The following TOP3A variants were observed in gnomAD, a reference collection of about 807,000 sequenced individuals.
The protein encoded by TOP3A is DNA topoisomerase 3-alpha.
A neutral mutation model predicts 111.3 loss-of-function variants in TOP3A; 64 were observed. That is an observed-to-expected ratio of 0.57 (90% confidence interval 0.47 to 0.71). TOP3A has a LOEUF of 0.71. Ranked by LOEUF, TOP3A falls within the 30% of genes least tolerant of loss-of-function variation. TOP3A has a pLI of 0.00. For synonymous variants in TOP3A, 484 were observed against 485.1 expected (o/e 1.00, Z 0.03); for missense variants, 1,104 against 1,285.0 (o/e 0.86, Z 2.15).
At chr17:18,300,659 G>C (rs971143407) in intron 8 of TOP3A, among the ~76,000 whole-genome samples, 8 of 151,918 alleles carry the variant, frequency 5.3e-5, no homozygotes, top group African/African-American at 1.7e-4. Context: ...GGGCTCAAGC[G>C]ATTCTCCCAC....
chr17:18,299,633 C>T lies in TOP3A; in HGVS notation c.916G>A (p.Asp306Asn), dbSNP rs1178443498. 3 of 1,613,834 alleles carry T rather than the reference C, an allele frequency of 1.9e-6. No homozygotes were observed. The highest frequency in any genetic ancestry group is 2.5e-6 in the Non-Finnish European group (3 of 1,179,876). ...ACCTCTACCACAGTTGCCATGGGAT[C>T]CTAGAAAGCCAGGAAAGAAAAGACC... Reference protein sequence around the residue: ...CLVLYQLCVEDPMATVVEVRS... With the variant: ...CLVLYQLCVENPMATVVEVRS... The change falls in exon 9 of 19, where the codon GAT becomes AAT. Residue 306 changes from aspartate (D) to asparagine (N), a missense_variant and splice_region_variant. Transcript: ENST00000321105.
At chr17:18,312,884 AGGCGGGT>A (rs1408032559) in intron 1 of TOP3A, 5 of 154,070 alleles carry the variant, frequency 3.2e-5, no homozygotes, top group African/African-American at 1.2e-4. Context: ...TGGGAGGCTA[AGGCGGGT>A]GGCTCACCTG....
At chr17:18,308,840 T>C (rs774856776) in intron 2 of TOP3A, 42 bp downstream of exon 2, 1 of 1,343,920 alleles carries the variant, frequency 7.4e-7, no homozygotes, top group Non-Finnish European at 1.0e-6. Flanking sequence ...CTACTTTCTC[T>C]TGCTTATGAT....
chr17:18,310,805 C>CT (rs1981863526), intron 1 of TOP3A, among the ~76,000 whole-genome samples: 1 of 152,142 alleles, frequency 6.6e-6, no homozygotes, highest in African/African-American at 2.4e-5. Flanking sequence ...ACATGGCTCT[C>CT]TAAGATTCTT....
intron 1 of TOP3A, chr17:18,312,198 T>C: frequency 6.6e-6 from 1 of 152,410 alleles, no homozygotes; most frequent in East Asian, 1.9e-4. Context: ...TGGCCCACAG[T>C]ACAGACAAGA....
At chr17:18,287,917 G>C (rs1358434307) in intron 13 of TOP3A, among the ~76,000 whole-genome samples, 1 of 151,630 alleles carries the variant, frequency 6.6e-6, no homozygotes, top group African/African-American at 2.4e-5. Context: ...AGAATCGCTT[G>C]AACCTGGGTG....
At position 18,278,314 on chromosome 17, in the gene TOP3A, G is replaced by C; in HGVS notation, c.2188C>G (p.Pro730Ala). The C allele has an allele frequency of 6.6e-7, 1 of 1,518,792 alleles. No individual in the cohort carries two copies. The highest frequency in any genetic ancestry group is 8.8e-7 in the Non-Finnish European group (1 of 1,133,534). 94.1% of individuals were successfully genotyped at this position (1,518,792 alleles called of 1,614,324 possible). A position where few individuals can be genotyped will look rare whatever the true frequency, so the allele number is the denominator to read the frequency against. The change falls in exon 18 of 19, where the codon CCT (proline) becomes GCT (alanine). Residue 730 changes from proline (P) to alanine (A), a missense_variant. Physicochemically the swap from Pro to Ala is conservative, Grantham distance 27. Transcript: ENST00000321105. ...CCGATGCAGCAAACAAACTCCAGAGGCATGGTCGGGGGAAGGCTACCGCGC... is the reference window on the plus strand; with the variant it reads ...CCGATGCAGCAAACAAACTCCAGAGCCATGGTCGGGGGAAGGCTACCGCGC... ...FKRGSLPPTM[P>A]LEFVCCIGGC...
In TOP3A at chr17:18,273,139, C is replaced by G. The variant is rs533851933; in HGVS notation, c.*1663G>C. Reference sequence around the variant, plus strand: ...ATTTGTAAAAATCCTCCCCAATACCCCATCAGAACACAGAGCCACTGGTCT... The same window carrying G: ...ATTTGTAAAAATCCTCCCCAATACCGCATCAGAACACAGAGCCACTGGTCT... On this transcript the variant is annotated 3_prime_UTR_variant, in exon 19 of 19. Coordinates refer to ENST00000321105, the MANE Select transcript of TOP3A (RefSeq NM_004618.5). 1.3e-5 allele frequency: 2 copies of G among 152,314 alleles called. No individual in the cohort carries two copies. The highest frequency in any genetic ancestry group is 1.9e-4 in the East Asian group (1 of 5,186). 9.4% of individuals were successfully genotyped at this position (152,314 alleles called of 1,614,324 possible). A position where few individuals can be genotyped will look rare whatever the true frequency, so the allele number is the denominator to read the frequency against.
intron 9 of TOP3A, among the ~76,000 whole-genome samples, chr17:18,295,498 G>A (rs1980740879): frequency 6.6e-6 from 1 of 151,982 alleles, no homozygotes; most frequent in Admixed American, 6.6e-5. Context: ...TCTCGCTCTT[G>A]TTGCCCAGAC....
intron 1 of TOP3A, among the ~76,000 whole-genome samples, chr17:18,310,533 A>G (rs1468540614): frequency 6.6e-6 from 1 of 152,186 alleles, no homozygotes; most frequent in African/African-American, 2.4e-5. Flanking sequence ...AAGAGCATGT[A>G]AGATATGGGT....
intron 13 of TOP3A, among the ~76,000 whole-genome samples, chr17:18,288,152 T>TATATATATATATATATATATA (rs1567739496): frequency 1.7e-5 from 2 of 120,434 alleles, no homozygotes; most frequent in African/African-American, 7.2e-5. Context: ...TATATATAAA[T>TATATATATATATATATATATA]TTTTTTTTTT....
rs1156291740 is a variant in TOP3A at position 18,276,210 on chromosome 17, A to G, written c.2828-1230T>C. Among the ~76,000 whole-genome samples the G allele has an allele frequency of 1.2e-4, 19 of 152,172 alleles. 1 individual carries two copies. Among genetic ancestry groups the G allele is most frequent in the Admixed American group, 1.2e-3 (19 of 15,272 alleles). ...GTAGGGTGGGAAAGACAAGCAGCCT[A>G]TGACCGGCAACCTGCGGCCCACCTC... On this transcript the variant is annotated intron_variant, in intron 18 of 18. Transcript: ENST00000321105.
At position 18,314,839 on chromosome 17, in the gene TOP3A, ATGAGGC is replaced by A; in HGVS notation, c.-67_-62del. The stretch of plus-strand genomic sequence containing the variant: ...CCGGCGCATCCTGGGGAAGCCAGAG[ATGAGGC>A]TCAAATGGCGCCCACCGAAAGGGAA... On this transcript the variant is annotated 5_prime_UTR_variant, in exon 1 of 19. Coordinates refer to ENST00000321105, the MANE Select transcript of TOP3A (RefSeq NM_004618.5). 1.5e-6 allele frequency: 2 copies of A among 1,367,438 alleles called. No individual in the cohort carries two copies. The highest frequency in any genetic ancestry group is 3.0e-5 in the Admixed American group (1 of 33,072). The allele number at this position is 1,367,438 out of a possible 1,614,324, so 84.7% of individuals were successfully genotyped here. A position where few individuals can be genotyped will look rare whatever the true frequency, so the allele number is the denominator to read the frequency against.
At chr17:18,300,268 C>A (rs1185108821) in intron 8 of TOP3A, among the ~76,000 whole-genome samples, 1 of 152,006 alleles carries the variant, frequency 6.6e-6, no homozygotes, top group Non-Finnish European at 1.5e-5. Context: ...GTGGTGCACG[C>A]CTGTAGTTCC....
intron 16 of TOP3A, among the ~76,000 whole-genome samples, chr17:18,281,939 A>T (rs755714873): frequency 6.6e-6 from 1 of 152,150 alleles, no homozygotes; most frequent in Non-Finnish European, 1.5e-5. Context: ...CTTGCAGGGT[A>T]GTTAGGAGAA....
chr17:18,295,053 T>C (rs1980711550), intron 9 of TOP3A, among the ~76,000 whole-genome samples: 1 of 152,242 alleles, frequency 6.6e-6, no homozygotes, highest in African/African-American at 2.4e-5. Flanking sequence ...GGTGCTATGT[T>C]GCGCAGGCTG....
intron 13 of TOP3A, among the ~76,000 whole-genome samples, chr17:18,289,728 A>G (rs1312982267): frequency 1.1e-4 from 17 of 152,192 alleles, no homozygotes; most frequent in Admixed American, 9.8e-4. Flanking sequence ...ATGACGGGTG[A>G]ACCTCTACTA....
At chr17:18,288,822 A>G (rs1003321887) in intron 13 of TOP3A, among the ~76,000 whole-genome samples, 3 of 152,138 alleles carry the variant, frequency 2.0e-5, no homozygotes, top group Non-Finnish European at 4.4e-5. Context: ...ATTGTATTCA[A>G]TGTGTTGGTT....
intron 1 of TOP3A, among the ~76,000 whole-genome samples, chr17:18,309,509 G>A (rs1016349412): frequency 2.0e-5 from 3 of 151,898 alleles, no homozygotes; most frequent in African/African-American, 7.2e-5. Context: ...CAGGTGTGGT[G>A]GTGTGTGCCT....
Sources: gnomAD v4.1 joint callset for allele counts (sites outside exome capture counted in the v4.1 genomes callset) on GRCh38, gnomAD v4.1.1 for gene constraint, MANE v1.5 for transcripts, NCBI Gene and HGNC (gene_info 2026-07-23, HGNC 2026-07-21) for gene names.